NDUFAF6: variants seen among roughly 807,000 people sequenced by gnomAD.
NDUFAF6 encodes NADH:ubiquinone oxidoreductase complex assembly factor 6, also known as NADH dehydrogenase (ubiquinone) complex I, assembly factor 6.
Under a neutral mutation model 40.8 loss-of-function variants are expected in NDUFAF6, and 45 were observed. That is an observed-to-expected ratio of 1.10 (90% confidence interval 0.87 to 1.42). The LOEUF is 1.42. Ranked by LOEUF, NDUFAF6 falls within the 40% of genes most tolerant of loss-of-function variation. NDUFAF6 has a pLI of 0.00. For missense variants in NDUFAF6, 435 were observed against 418.5 expected (o/e 1.04, Z -0.34); for synonymous variants, 185 against 155.9 (o/e 1.19, Z -1.39).
chr8:95,055,360 C>A (rs2131977208), intron 8 of NDUFAF6: 1 of 152,072 alleles, frequency 6.6e-6, no homozygotes, highest in Admixed American at 6.5e-5. Context: ...AAGATAACTG[C>A]TAGTCATTCT....
chr8:94,902,981 C>T (rs574990463), intron 1 of NDUFAF6, among the ~76,000 whole-genome samples: 19 of 152,150 alleles, frequency 1.2e-4, no homozygotes, highest in South Asian at 8.3e-4. Flanking sequence ...GGATTACAGG[C>T]GTGAGCCACT....
chr8:94,910,619 T>C (rs1026140287), intron 1 of NDUFAF6, among the ~76,000 whole-genome samples: 1 of 152,350 alleles, frequency 6.6e-6, no homozygotes, highest in Non-Finnish European at 1.5e-5. Flanking sequence ...TTACTAGGAC[T>C]GTCGGGAAGA....
downstream of NDUFAF6, among the ~76,000 whole-genome samples, chr8:95,062,117 C>T (rs1321392986): frequency 2.7e-5 from 4 of 150,226 alleles, no homozygotes; most frequent in South Asian, 6.3e-4. Context: ...AGCAAGATCG[C>T]GCCACTGCAC....
intron 1 of NDUFAF6, among the ~76,000 whole-genome samples, chr8:94,942,880 C>T (rs1821678539): frequency 1.3e-5 from 2 of 152,092 alleles, no homozygotes; most frequent in South Asian, 4.2e-4. Context: ...CAATAGCAGG[C>T]TAGGGGAGCT....
intron 1 of NDUFAF6, chr8:94,939,634 G>A: frequency 3.7e-6 from 2 of 540,884 alleles, no homozygotes; most frequent in South Asian, 3.8e-5. Context: ...CTGAGCTTAA[G>A]TGATCTGCCT....
Position 95,052,175 on chromosome 8 carries a change from C to A in NDUFAF6, c.818C>A (p.Ala273Asp). The A allele has an allele frequency of 6.2e-7, 1 of 1,614,068 alleles. No homozygotes were observed. Among genetic ancestry groups the A allele is most frequent in the Admixed American group, 1.7e-5 (1 of 60,020 alleles). ...GCTTCCTCTCCTCTTCCTTTTTAGG[C>A]TAGGTCCTTTCACAAAACTGTTCCT... ...ASQAHLHLKH[A>D]RSFHKTVPVK... Residue 273 changes from alanine (A) to aspartate (D), a missense_variant and splice_region_variant, in exon 8 of 9, where the codon GCT (alanine) becomes GAT (aspartate). Physicochemically the swap from Ala to Asp is moderately radical, Grantham distance 126 (BLOSUM62 -2). Coordinates refer to ENST00000396124, the MANE Select transcript of NDUFAF6 (RefSeq NM_152416.4).
chr8:95,074,187 T>A (rs1219398960), intron 9 of NDUFAF6, among the ~76,000 whole-genome samples: 1 of 152,042 alleles, frequency 6.6e-6, no homozygotes, highest in Non-Finnish European at 1.5e-5. Flanking sequence ...TGTATATTTT[T>A]AAAATTCTCT....
chr8:94,953,890 C>T (rs1822845858), upstream of NDUFAF6, among the ~76,000 whole-genome samples: 1 of 152,008 alleles, frequency 6.6e-6, no homozygotes, highest in Admixed American at 6.6e-5. Flanking sequence ...TTTTAAATGT[C>T]CATGTTTCTC....
At chr8:95,010,485 T>G (rs1827182423) in intron 2 of NDUFAF6, among the ~76,000 whole-genome samples, 1 of 152,228 alleles carries the variant, frequency 6.6e-6, no homozygotes, top group South Asian at 2.1e-4. Context: ...ATTTTAAAAT[T>G]GGAATCTATT....
At position 94,934,639 on chromosome 8, in the gene NDUFAF6, C is replaced by G. The variant is rs375923573; in HGVS notation, c.-935-10844C>G. Reference sequence around the variant, plus strand: ...TCGTGATCCACCCACCCCAGCCTCCCAAAGTGCTTGGATTACAGGTGTAAG... The same window carrying G: ...TCGTGATCCACCCACCCCAGCCTCCGAAAGTGCTTGGATTACAGGTGTAAG... On this transcript the variant is annotated intron_variant, in intron 1 of 14. Coordinates refer to the NDUFAF6 transcript ENST00000396113. 1.1e-4 allele frequency among the ~76,000 whole-genome samples: 16 copies of G among 152,244 alleles called. No individual in the cohort carries two copies. In the South Asian group the frequency reaches 2.5e-3, roughly 24 times the overall value.
intron 2 of NDUFAF6, among the ~76,000 whole-genome samples, chr8:95,007,579 G>T (rs576009111): frequency 6.6e-6 from 1 of 151,250 alleles, no homozygotes; most frequent in Admixed American, 6.6e-5. Context: ...TAGGAGGATC[G>T]CTTGAGCCTG....
At chr8:94,924,622 C>G (rs1819736215) in intron 1 of NDUFAF6, among the ~76,000 whole-genome samples, 1 of 152,210 alleles carries the variant, frequency 6.6e-6, no homozygotes, top group Non-Finnish European at 1.5e-5. Context: ...AGACTCCATA[C>G]AGTCACTGCC....
chr8:94,900,704 A>T (rs1274390762), intron 1 of NDUFAF6, among the ~76,000 whole-genome samples: 1 of 152,156 alleles, frequency 6.6e-6, no homozygotes, highest in Non-Finnish European at 1.5e-5. Context: ...TCACCAAGAA[A>T]CACTGTTCTC....
chr8:94,962,770 G>C (rs1038418326), intron 1 of NDUFAF6, among the ~76,000 whole-genome samples: 6 of 150,138 alleles, frequency 4.0e-5, no homozygotes, highest in African/African-American at 1.5e-4. Context: ...CACTGCACCT[G>C]GCCTCCAAAC....
intron 1 of NDUFAF6, among the ~76,000 whole-genome samples, chr8:94,937,630 A>G (rs930344116): frequency 6.6e-6 from 1 of 151,976 alleles, no homozygotes; most frequent in Non-Finnish European, 1.5e-5. Context: ...TTTCTTTCCC[A>G]CATCACCTCA....
intron 2 of NDUFAF6, among the ~76,000 whole-genome samples, chr8:95,081,889 A>G (rs1229524371): frequency 6.6e-6 from 1 of 150,728 alleles, no homozygotes; most frequent in Non-Finnish European, 1.5e-5. Context: ...GTGAAACCCC[A>G]TCTGTACTAA....
rs559239413 is a variant in NDUFAF6 at position 95,052,361 on chromosome 8, G to A, written c.873+131G>A. ...TGTTTTTGTTTCCCTCCCTCATGGC[G>A]GCTTTCATTAGTTACTGATGCTTTT... On this transcript the variant is annotated intron_variant, in intron 8 of 8. Transcript: ENST00000396124. 79 of 957,790 alleles carry A rather than the reference G, an allele frequency of 8.2e-5. 1 individual carries two copies. The highest frequency in any genetic ancestry group is 5.1e-4 in the South Asian group (36 of 70,560). 59.3% of individuals were successfully genotyped at this position (957,790 alleles called of 1,614,324 possible).
At chr8:95,012,980 G>T (rs117429735) in intron 2 of NDUFAF6, among the ~76,000 whole-genome samples, 1 of 152,136 alleles carries the variant, frequency 6.6e-6, no homozygotes, top group East Asian at 1.9e-4. Context: ...CTTCTATCCC[G>T]TCCCTTATCA....
At chr8:94,973,564 C>T (rs534838877) in intron 1 of NDUFAF6, among the ~76,000 whole-genome samples, 12 of 152,160 alleles carry the variant, frequency 7.9e-5, no homozygotes, top group African/African-American at 2.9e-4. Flanking sequence ...AAAAATTAGC[C>T]AGGTGTGGTG....
Sources: allele counts gnomAD v4.1 joint callset (sites outside exome capture counted in the v4.1 genomes callset), GRCh38; gene constraint gnomAD v4.1.1; transcripts MANE v1.5; gene names NCBI Gene and HGNC (gene_info 2026-07-23, HGNC 2026-07-21).